Variants in CLMN observed in about 807,000 individuals in gnomAD.
The protein encoded by CLMN is calmin (calponin-like, transmembrane).
A neutral mutation model predicts 92.7 loss-of-function variants in CLMN; 57 were observed. The observed-to-expected ratio is 0.61, with a 90% CI of 0.50 to 0.77. The LOEUF is 0.77. CLMN is among the 30% of genes least tolerant of loss of function. The pLI, the probability that CLMN is intolerant of heterozygous loss-of-function variation, is 0.00. For missense variants in CLMN, 1,158 were observed against 1,237.5 expected, an observed-to-expected ratio of 0.94 and a Z score of 0.96; for synonymous variants, 466 against 470.6, an observed-to-expected ratio of 0.99 and a Z score of 0.13.
At chr14:95,255,022 G>A (rs999203300) in intron 1 of CLMN, among the ~76,000 whole-genome samples, 12 of 152,216 alleles carry the variant, frequency 7.9e-5, no homozygotes, top group African/African-American at 2.6e-4. Context: ...GAGGCCTTTC[G>A]CATTTGCTCT....
chr14:95,261,324 C>CA (rs1566901360), intron 1 of CLMN, among the ~76,000 whole-genome samples: 1 of 152,240 alleles, frequency 6.6e-6, no homozygotes, highest in Non-Finnish European at 1.5e-5. Context: ...TCTGGCTGCT[C>CA]AGACTTTATG....
In CLMN at chr14:95,191,405, T is replaced by TG; in HGVS notation, c.*158dup. 1 of 415,728 alleles carries TG rather than the reference T, an allele frequency of 2.4e-6. No individual in the cohort carries two copies. The allele number at this position is 415,728 out of a possible 1,614,324, so 25.8% of individuals were successfully genotyped here. ...GGTTGTCCAGAAAAAAAAGGAAACC[T>TG]GAAAAAAAAAAAAAAACCACAATAG... On this transcript the variant is annotated 3_prime_UTR_variant, in exon 13 of 13. Coordinates refer to ENST00000298912, the MANE Select transcript of CLMN (RefSeq NM_024734.4). The surrounding 1 kb of genome is among the most constrained non-coding windows in gnomAD (Gnocchi z 5.3).
Position 95,294,122 on chromosome 14 carries a change from G to A in CLMN, c.82+25589C>T, listed in dbSNP as rs142701228. On this transcript the variant is annotated intron_variant, in intron 1 of 12. Coordinates refer to ENST00000298912, the MANE Select transcript of CLMN (RefSeq NM_024734.4). This position sits in a 1 kb window ranked among gnomAD's most constrained non-coding sequence, Gnocchi z 4.2. ...CCTCACCCTAAACAGCCAGGAGAGT[G>A]CGTGCAGTCAGCCTGCCTGCCAAAG... Among the ~76,000 whole-genome samples the A allele has an allele frequency of 1.3e-3, 196 of 152,350 alleles. 1 individual carries two copies. Among genetic ancestry groups the A allele is most frequent in the African/African-American group, 4.5e-3 (189 of 41,582 alleles).
At chr14:95,222,498 G>T (rs1481953488) in intron 3 of CLMN, 2 of 451,734 alleles carry the variant, frequency 4.4e-6, no homozygotes, top group African/African-American at 4.0e-5. Context: ...GAAGTGCCAG[G>T]CCACGCTCAT....
chr14:95,193,715 T>C, intron 12 of CLMN, 134 bp downstream of exon 12: 1 of 1,101,984 alleles, frequency 9.1e-7, no homozygotes, highest in Non-Finnish European at 1.3e-6. Context: ...AATAGTTATT[T>C]TCTTGCATTA....
chr14:95,193,330 T>A (rs1896607030), intron 12 of CLMN: 1 of 1,533,702 alleles, frequency 6.5e-7, no homozygotes, highest in African/African-American at 1.4e-5. Context: ...TTCATAGACA[T>A]CCTGGCATGT....
intron 1 of CLMN, among the ~76,000 whole-genome samples, chr14:95,297,835 AC>A (rs1900874427): frequency 6.6e-6 from 1 of 151,836 alleles, no homozygotes; most frequent in Admixed American, 6.6e-5. Context: ...ACACACACAC[AC>A]ACACACACAC....
intron 1 of CLMN, among the ~76,000 whole-genome samples, chr14:95,245,242 A>ATATATATATATAATATATATATATATAT (rs1898482225): frequency 1.1e-4 from 4 of 35,620 alleles, no homozygotes; most frequent in African/African-American, 6.9e-4. Context: ...TATATATTAT[A>ATATATATATATAATATATATATATATAT]TATATATATA....
intron 4 of CLMN, among the ~76,000 whole-genome samples, chr14:95,217,125 C>T (rs569236295): frequency 6.6e-5 from 10 of 152,170 alleles, no homozygotes; most frequent in Non-Finnish European, 1.2e-4. Flanking sequence ...CTTAACAACG[C>T]TTAATAAAGC....
intron 1 of CLMN, among the ~76,000 whole-genome samples, chr14:95,235,136 C>T (rs182823060): frequency 7.7e-4 from 117 of 152,270 alleles, no homozygotes; most frequent in African/African-American, 2.1e-3. Flanking sequence ...CACACACACA[C>T]ACAGAGCAAG....
chr14:95,252,238 C>T (rs1216216534), intron 1 of CLMN, among the ~76,000 whole-genome samples: 7 of 152,186 alleles, frequency 4.6e-5, no homozygotes, highest in Non-Finnish European at 7.4e-5. Flanking sequence ...CAGAACCAGG[C>T]TGCCTGGCCT....
chr14:95,255,115 G>A (rs1304507236), intron 1 of CLMN, among the ~76,000 whole-genome samples: 2 of 152,224 alleles, frequency 1.3e-5, no homozygotes, highest in East Asian at 1.9e-4. Flanking sequence ...AGAGAGGGAT[G>A]ACCATGAGAG....
Position 95,204,116 on chromosome 14 carries a change from T to C in CLMN, c.1233A>G (p.Arg411=). The change falls in exon 9 of 13, where the codon AGA becomes AGG. Residue 411 remains arginine (R), a synonymous_variant. Coordinates refer to ENST00000298912, the MANE Select transcript of CLMN (RefSeq NM_024734.4). ...PSPESSILSS[R]KENGRSNSLP... is the part of the protein sequence containing the mutation. ...AAGAGTTGGACCTCCCGTTCTCCTTTCTGGATGATAAAATGGAGGATTCTG... is the reference window on the plus strand; with the variant it reads ...AAGAGTTGGACCTCCCGTTCTCCTTCCTGGATGATAAAATGGAGGATTCTG... 6.2e-7 allele frequency: 1 copy of C among 1,614,170 alleles called. No individual in the cohort carries two copies.
rs777611248 is a variant in CLMN at position 95,213,338 on chromosome 14, T to A, written c.489A>T (p.Thr163=). ...SSSLSPGSGG[T]DSDSSFPPTP... Reference sequence around the variant, plus strand: ...TGGGTGGGAAGGATGAGTCTGAGTCTGTGCCCCCTGAGCCAGGGGACAAGC... The same window carrying A: ...TGGGTGGGAAGGATGAGTCTGAGTCAGTGCCCCCTGAGCCAGGGGACAAGC... The change falls in exon 6 of 13, where the codon ACA becomes ACT. Residue 163 remains threonine, a synonymous_variant. Coordinates refer to ENST00000298912, the MANE Select transcript of CLMN (RefSeq NM_024734.4). 6.2e-7 allele frequency: 1 copy of A among 1,613,562 alleles called. No homozygotes were observed. Among genetic ancestry groups the A allele is most frequent in the South Asian group, 1.1e-5 (1 of 90,928 alleles).
At chr14:95,200,539 G>T (rs914817711) in intron 9 of CLMN, among the ~76,000 whole-genome samples, 1 of 152,046 alleles carries the variant, frequency 6.6e-6, no homozygotes, top group African/African-American at 2.4e-5. Flanking sequence ...ATGTGGTTTC[G>T]GACTCACCTC....
At chr14:95,308,384 G>C (rs925403661) in intron 1 of CLMN, among the ~76,000 whole-genome samples, 7 of 152,110 alleles carry the variant, frequency 4.6e-5, no homozygotes, top group African/African-American at 1.4e-4. Flanking sequence ...AGCACCACCT[G>C]GTCCTTGATC....
chr14:95,229,075 A>AG (rs1168746104), intron 2 of CLMN, among the ~76,000 whole-genome samples: 2 of 152,236 alleles, frequency 1.3e-5, no homozygotes, highest in Non-Finnish European at 2.9e-5. Flanking sequence ...TGCTGGATAT[A>AG]GATGGAGAAC....
chr14:95,230,097 C>G lies in CLMN; in HGVS notation c.119G>C (p.Arg40Pro), dbSNP rs1426433589. The G allele has an allele frequency of 1.4e-5, 22 of 1,614,184 alleles. No individual in the cohort carries two copies. The highest frequency in any genetic ancestry group is 1.8e-5 in the Non-Finnish European group (21 of 1,180,026). ...CTTTTCTAGATGTAGATTTATCCAT[C>G]GTGTAAAGGTCCTCTTCTGCACATT... ...RENVQKRTFTRWINLHLEKCN... is the reference protein window; with the variant it reads ...RENVQKRTFTPWINLHLEKCN... Residue 40 changes from arginine (R) to proline (P), a missense_variant, in exon 2 of 13, where the codon CGA becomes CCA. Physicochemically the swap from Arg to Pro is moderately radical, Grantham distance 103. Coordinates refer to ENST00000298912, the MANE Select transcript of CLMN (RefSeq NM_024734.4).
At chr14:95,243,552 C>A (rs1252843038) in intron 1 of CLMN, among the ~76,000 whole-genome samples, 2 of 152,052 alleles carry the variant, frequency 1.3e-5, no homozygotes, top group African/African-American at 4.8e-5. Flanking sequence ...CCTCACCTAA[C>A]CCCTACTAAA....
Sources: allele counts gnomAD v4.1 joint callset (sites outside exome capture counted in the v4.1 genomes callset), GRCh38; gene constraint gnomAD v4.1.1; non-coding constraint Gnocchi (gnomAD v3.1); transcripts MANE v1.5; gene names NCBI Gene and HGNC (gene_info 2026-07-23, HGNC 2026-07-21).